Variants in PPRC1 observed in about 807,000 individuals in gnomAD.
The protein encoded by PPRC1 is PPARG related coactivator 1.
A neutral mutation model predicts 132.5 loss-of-function variants in PPRC1; 23 were observed. The ratio of observed to expected loss-of-function variants is 0.17; its 90% CI spans 0.12 to 0.25. The LOEUF (loss-of-function observed/expected upper bound fraction) is 0.25, where lower values mean the gene tolerates loss of function less well. Among genes scored for constraint, PPRC1 ranks in the 10% least tolerant of loss-of-function variants. The pLI, the probability that PPRC1 is intolerant of heterozygous loss-of-function variation, is 1.00. For synonymous variants in PPRC1, 872 were observed against 833.5 expected, an observed-to-expected ratio of 1.05 and a Z score of -0.80; for missense variants, 2,006 against 2,089.1, an observed-to-expected ratio of 0.96 and a Z score of 0.78.
intron 9 of PPRC1, among the ~76,000 whole-genome samples, chr10:102,147,924 A>C (rs923896920): frequency 2.6e-5 from 4 of 152,112 alleles, no homozygotes; most frequent in Admixed American, 6.5e-5. Flanking sequence ...GAACTGGCCC[A>C]TACTACAAGT....
At position 102,148,463 on chromosome 10, in the gene PPRC1, A is replaced by G. The variant is rs1455034506; in HGVS notation, c.4492A>G (p.Ser1498Gly). 7 of 1,612,118 alleles carry G rather than the reference A, an allele frequency of 4.3e-6. No homozygotes were observed. The East Asian group carries it at 1.3e-4, about 31-fold the overall frequency. The change falls in exon 10 of 14, where the codon AGT (serine) becomes GGT (glycine). Residue 1498 changes from serine to glycine, a missense_variant. Physicochemically the swap from Ser to Gly is moderately conservative, Grantham distance 56. Around this residue, in one of 2 missense-constraint regions of PPRC1, gnomAD observed 1,914 missense variants for 1,917.2 expected, o/e 1.00. Coordinates refer to ENST00000278070, the MANE Select transcript of PPRC1 (RefSeq NM_015062.5). This position sits in a 1 kb window ranked among gnomAD's most constrained non-coding sequence, Gnocchi z 4.2. ...SSSSSSSSSS[S>G]SRSRSRSPSP... ...TTCGTCTTCCTCATCCTCATCATCC[A>G]GTTCTCGAAGCCGCTCACGATCCCC...
Position 102,141,612 on chromosome 10 carries a change from C to T in PPRC1, c.3104C>T (p.Ala1035Val). The T allele has an allele frequency of 6.2e-7, 1 of 1,614,174 alleles. No individual in the cohort carries two copies. The highest frequency in any genetic ancestry group is 8.5e-7 in the Non-Finnish European group (1 of 1,180,036). Reference protein sequence around the residue: ...PPENVLPLSMAPPLSLGLPGH... With the variant: ...PPENVLPLSMVPPLSLGLPGH... ...GAAAATGTACTTCCCTTGTCGATGG[C>T]TCCTCCCCTCAGTCTTGGGCTACCT... The change falls in exon 5 of 14, where the codon GCT becomes GTT. Residue 1035 changes from alanine (A) to valine (V), a missense_variant. By Grantham distance (64) the Ala-to-Val change is moderately conservative. Around this residue, in one of 2 missense-constraint regions of PPRC1, gnomAD observed 1,914 missense variants for 1,917.2 expected, o/e 1.00. Transcript: ENST00000278070.
At chr10:102,143,470 G>T (rs1454438636) in intron 6 of PPRC1, among the ~76,000 whole-genome samples, 2 of 151,972 alleles carry the variant, frequency 1.3e-5, no homozygotes, top group African/African-American at 4.8e-5. Context: ...GAGGTGGCGG[G>T]CACCTGTAAT....
chr10:102,137,077 G>A (rs1308922380), intron 1 of PPRC1, among the ~76,000 whole-genome samples: 5 of 152,188 alleles, frequency 3.3e-5, no homozygotes, highest in South Asian at 2.1e-4. Context: ...GGCGGCTCAC[G>A]CCTGTAATCA....
upstream of PPRC1, among the ~76,000 whole-genome samples, chr10:102,130,741 C>CA (rs2133567496): frequency 6.6e-6 from 1 of 151,218 alleles, no homozygotes; most frequent in Admixed American, 6.6e-5. Flanking sequence ...ATCTCACACA[C>CA]AAAAAACAAA....
chr10:102,139,017 T>C, intron 4 of PPRC1, 37 bp downstream of exon 4: 1 of 1,604,174 alleles, frequency 6.2e-7, no homozygotes, highest in Non-Finnish European at 8.5e-7. Context: ...AACTCCCAGG[T>C]GGGAGGAGGA....
At chr10:102,130,416 C>CA (rs1203599289), upstream of PPRC1, among the ~76,000 whole-genome samples, 337 of 15,850 alleles carry the variant, frequency 0.021, 13 homozygotes, top group East Asian at 0.037. Flanking sequence ...GAATCCTTCT[C>CA]AAAAAAAAAA....
the PPRC1 span, among the ~76,000 whole-genome samples, chr10:102,124,843 T>C: frequency 1.3e-5 from 2 of 152,040 alleles, no homozygotes; most frequent in African/African-American, 4.8e-5. Flanking sequence ...GGTTTCTTGC[T>C]GTTAGCCAGG....
intron 2 of PPRC1, 75 bp from the exon 3 acceptor site, chr10:102,138,544 C>T: frequency 4.6e-6 from 7 of 1,523,502 alleles, no homozygotes; most frequent in Non-Finnish European, 6.3e-6. Flanking sequence ...CTGATTCTCT[C>T]GATATCCAGT....
At position 102,140,923 on chromosome 10, in the gene PPRC1, A is replaced by G; in HGVS notation, c.2415A>G (p.Thr805=). The part of the protein sequence containing the change: ...LVIPPAPAKK[T]ALQRSPETPL... ...TCCCACCAGCCCCAGCCAAGAAGAC[A>G]GCTCTGCAGAGAAGCCCTGAAACAC... The change falls in exon 5 of 14, where the codon ACA becomes ACG. Residue 805 remains threonine (T), a synonymous_variant. Transcript: ENST00000278070. The G allele has an allele frequency of 6.2e-7, 1 of 1,614,000 alleles. No individual in the cohort carries two copies. Among genetic ancestry groups the G allele is most frequent in the African/African-American group, 1.3e-5 (1 of 75,032 alleles).
At chr10:102,147,534 C>T (rs2069317468) in intron 9 of PPRC1, 142 bp downstream of exon 9, 2 of 1,220,266 alleles carry the variant, frequency 1.6e-6, no homozygotes, top group African/African-American at 1.5e-5. Flanking sequence ...TTGTGTTTTC[C>T]CTTTTCCTGG....
chr10:102,147,904 T>C lies in PPRC1; in HGVS notation c.4401-468T>C, dbSNP rs573834331. Among the ~76,000 whole-genome samples the C allele has an allele frequency of 3.3e-5, 5 of 152,252 alleles. No homozygotes were observed. The East Asian group carries it at 5.8e-4, about 18-fold the overall frequency. ...GAATTCTTGGGTTTTGGAGATGATA[T>C]ATGTCTTCAGAACTGGCCCATACTA... is the stretch of plus-strand genomic sequence containing the variant. On this transcript the variant is annotated intron_variant, in intron 9 of 13. Coordinates refer to ENST00000278070, the MANE Select transcript of PPRC1 (RefSeq NM_015062.5).
intron 6 of PPRC1, 36 bp downstream of exon 6, chr10:102,143,134 T>C: frequency 6.3e-7 from 1 of 1,589,192 alleles, no homozygotes; most frequent in Non-Finnish European, 8.6e-7. Context: ...CCAACTCTTT[T>C]TTTGGTGATA....
At chr10:102,122,244 G>GCAA in the PPRC1 span, among the ~76,000 whole-genome samples, 1 of 152,100 alleles carries the variant, frequency 6.6e-6, no homozygotes, top group East Asian at 1.9e-4. Flanking sequence ...AGAACATAAG[G>GCAA]CAACAGAACA....
At chr10:102,130,442 A>C (rs34178117), upstream of PPRC1, among the ~76,000 whole-genome samples, 36 of 146,730 alleles carry the variant, frequency 2.5e-4, no homozygotes, top group African/African-American at 8.7e-4. Context: ...AAAAAAAAAA[A>C]CAACTAAACA....
intron 1 of PPRC1, among the ~76,000 whole-genome samples, chr10:102,134,398 C>T (rs1486476173): frequency 6.6e-6 from 1 of 151,988 alleles, no homozygotes; most frequent in Non-Finnish European, 1.5e-5. Context: ...TTTTCTTGGC[C>T]TTCAAAAAGT....
At chr10:102,128,242 C>T (rs2068492327), upstream of PPRC1, among the ~76,000 whole-genome samples, 3 of 151,856 alleles carry the variant, frequency 2.0e-5, no homozygotes, top group South Asian at 4.2e-4. Flanking sequence ...CTGGTTCAAG[C>T]GATTCTGCTG....
the PPRC1 span, among the ~76,000 whole-genome samples, chr10:102,124,587 C>A: frequency 6.6e-6 from 1 of 150,752 alleles, no homozygotes; most frequent in Non-Finnish European, 1.5e-5. Context: ...GTGATTCACC[C>A]GCCTCGGCCT....
Position 102,148,310 on chromosome 10 carries a change from T to G in PPRC1, c.4401-62T>G. 60 of 1,558,342 alleles carry G rather than the reference T, an allele frequency of 3.9e-5. No homozygotes were observed. The highest frequency in any genetic ancestry group is 4.6e-5 in the Non-Finnish European group (53 of 1,145,566). On this transcript the variant is annotated intron_variant, in intron 9 of 13. Coordinates refer to ENST00000278070, the MANE Select transcript of PPRC1 (RefSeq NM_015062.5). This position sits in a 1 kb window ranked among gnomAD's most constrained non-coding sequence, Gnocchi z 4.2. ...AAGAAAGGCAGGACTGGGGCCTGGG[T>G]GAGATAAGCAGAGTATACCTGAACC...
Sources: allele counts gnomAD v4.1 joint callset (sites outside exome capture counted in the v4.1 genomes callset), GRCh38; gene constraint gnomAD v4.1.1; regional missense constraint gnomAD v4.1.1; non-coding constraint Gnocchi (gnomAD v3.1); transcripts MANE v1.5; gene names NCBI Gene and HGNC (gene_info 2026-07-23, HGNC 2026-07-21).